Variants in TANC2 observed in about 807,000 individuals in gnomAD.
The protein encoded by TANC2 is protein TANC2.
Under a neutral mutation model 210.5 loss-of-function variants are expected in TANC2, and 26 were observed. The ratio of observed to expected loss-of-function variants is 0.12; its 90% confidence interval spans 0.09 to 0.17. The LOEUF is 0.17. Ranked by LOEUF, TANC2 falls within the 10% of genes least tolerant of loss-of-function variation. The probability of loss-of-function intolerance (pLI) is 1.00; values close to 1 mark genes in which losing one functional copy is unlikely to be tolerated. For missense variants in TANC2, 2,129 were observed against 2,608.9 expected, an observed-to-expected ratio of 0.82 and a Z score of 4.01; for synonymous variants, 931 against 967.1, an observed-to-expected ratio of 0.96 and a Z score of 0.69.
At chr17:63,165,530 T>C (rs548994337) in intron 5 of TANC2, among the ~76,000 whole-genome samples, 1 of 152,314 alleles carries the variant, frequency 6.6e-6, no homozygotes, top group East Asian at 1.9e-4. Flanking sequence ...GTCTTTCCCA[T>C]TACCCGGTCT....
chr17:63,348,309 G>A (rs1407706014), intron 12 of TANC2, among the ~76,000 whole-genome samples: 1 of 152,120 alleles, frequency 6.6e-6, no homozygotes, highest in Admixed American at 6.5e-5. Flanking sequence ...TCTTACAATG[G>A]AACTACTAAG....
chr17:63,205,851 T>A (rs1003929504), intron 7 of TANC2, among the ~76,000 whole-genome samples: 5 of 152,038 alleles, frequency 3.3e-5, no homozygotes, highest in Admixed American at 6.5e-5. Flanking sequence ...GAGGTGGCAG[T>A]GAGCTGAGAT....
At chr17:63,329,863 A>G (rs2045777409) in intron 11 of TANC2, among the ~76,000 whole-genome samples, 1 of 152,194 alleles carries the variant, frequency 6.6e-6, no homozygotes. Context: ...AAAAAGAAGA[A>G]CTGCACATCT....
chr17:63,232,412 G>T (rs2042501444), intron 7 of TANC2, among the ~76,000 whole-genome samples: 1 of 152,202 alleles, frequency 6.6e-6, no homozygotes, highest in Non-Finnish European at 1.5e-5. Flanking sequence ...CAATCTTTGA[G>T]GCTGCTGACC....
At chr17:63,228,926 C>T (rs2042397397) in intron 7 of TANC2, among the ~76,000 whole-genome samples, 1 of 152,168 alleles carries the variant, frequency 6.6e-6, no homozygotes, top group Non-Finnish European at 1.5e-5. Flanking sequence ...TTATTTCTTT[C>T]TCTTGCCTGA....
At chr17:63,319,941 C>T (rs900637029) in intron 11 of TANC2, among the ~76,000 whole-genome samples, 19 of 152,238 alleles carry the variant, frequency 1.2e-4, no homozygotes, top group Middle Eastern at 3.4e-3. Context: ...AAATACTATT[C>T]GTATACTGCT....
intron 9 of TANC2, among the ~76,000 whole-genome samples, chr17:63,280,730 A>G (rs1231526882): frequency 6.6e-6 from 1 of 152,056 alleles, no homozygotes; most frequent in African/African-American, 2.4e-5. Flanking sequence ...TGCTAGGTAG[A>G]TTTTATGTAA....
chr17:63,297,359 G>A (rs1243539353), intron 9 of TANC2, among the ~76,000 whole-genome samples: 2 of 152,098 alleles, frequency 1.3e-5, no homozygotes, highest in Admixed American at 1.3e-4. Context: ...ACTGGCATAG[G>A]AATACACATA....
chr17:63,323,069 A>G (rs760594163), intron 11 of TANC2, among the ~76,000 whole-genome samples: 1 of 152,258 alleles, frequency 6.6e-6, no homozygotes, highest in Non-Finnish European at 1.5e-5. Flanking sequence ...CAGCTACACA[A>G]AAGTGTTCTG....
chr17:63,113,749 C>A (rs900639533), intron 4 of TANC2, among the ~76,000 whole-genome samples: 1 of 152,092 alleles, frequency 6.6e-6, no homozygotes, highest in African/African-American at 2.4e-5. Flanking sequence ...CTCAAGCAAC[C>A]CTCTCACCTC....
intron 7 of TANC2, among the ~76,000 whole-genome samples, chr17:63,211,628 A>G (rs1478944028): frequency 6.6e-6 from 1 of 152,088 alleles, no homozygotes; most frequent in East Asian, 1.9e-4. Flanking sequence ...TTTCCCAGTA[A>G]TACCTGTGCC....
intron 27 of TANC2, among the ~76,000 whole-genome samples, chr17:63,419,016 G>C (rs1480459803): frequency 1.3e-5 from 2 of 152,188 alleles, no homozygotes; most frequent in Non-Finnish European, 2.9e-5. Context: ...ATCTGCTTTA[G>C]TTTGGCCACT....
At chr17:63,153,253 A>T (rs546915485) in intron 5 of TANC2, 4 of 152,308 alleles carry the variant, frequency 2.6e-5, no homozygotes, top group Admixed American at 2.6e-4. Flanking sequence ...AAGTGAAATA[A>T]TACTTAATTT....
At chr17:63,350,563 A>G (rs960043552) in intron 12 of TANC2, among the ~76,000 whole-genome samples, 2 of 152,204 alleles carry the variant, frequency 1.3e-5, no homozygotes, top group African/African-American at 4.8e-5. Context: ...CTGGACACAA[A>G]CACAGCAGAT....
chr17:63,153,129 T>TTGAA (rs1350202138), intron 5 of TANC2: 2 of 152,282 alleles, frequency 1.3e-5, no homozygotes, highest in East Asian at 3.9e-4. Context: ...AACCTGAGGG[T>TTGAA]TGAAGCTATT....
chr17:63,076,555 T>G (rs2036578614), intron 3 of TANC2, among the ~76,000 whole-genome samples: 1 of 152,186 alleles, frequency 6.6e-6, no homozygotes, highest in Non-Finnish European at 1.5e-5. Context: ...TCCCCTGCCC[T>G]TAAATATGAG....
At chr17:63,284,881 A>C (rs1347387131) in intron 9 of TANC2, among the ~76,000 whole-genome samples, 1 of 152,002 alleles carries the variant, frequency 6.6e-6, no homozygotes, top group Non-Finnish European at 1.5e-5. Flanking sequence ...TATTCCTTGT[A>C]GTTTTTGCTC....
At chr17:63,284,456 CT>C (rs201813050) in intron 9 of TANC2, among the ~76,000 whole-genome samples, 3 of 151,588 alleles carry the variant, frequency 2.0e-5, no homozygotes, top group Non-Finnish European at 4.4e-5. Flanking sequence ...CTCCTCTTTA[CT>C]TTTTTTTAAA....
rs376998100 is a variant in TANC2 at position 63,119,017 on chromosome 17, C to T, written c.322+19660C>T. ...AGGGATGGTCTCGATCTCCTGACCC[C>T]GTGATCCGCCCACCCCAGCCTCCCA... is the stretch of plus-strand genomic sequence containing the variant. On this transcript the variant is annotated intron_variant, in intron 4 of 27. Transcript: ENST00000689528. Among the ~76,000 whole-genome samples, 37 of 152,142 alleles carry T rather than the reference C, an allele frequency of 2.4e-4. No homozygotes were observed. In the East Asian group the frequency reaches 6.0e-3, roughly 25 times the overall value.
Sources: allele counts gnomAD v4.1 joint callset (sites outside exome capture counted in the v4.1 genomes callset), GRCh38; gene constraint gnomAD v4.1.1; transcripts MANE v1.5; gene names NCBI Gene and HGNC (gene_info 2026-07-23, HGNC 2026-07-21).